SMYD3: variants seen among roughly 807,000 people sequenced by gnomAD.
The protein encoded by SMYD3 is SET and MYND domain containing 3, also known as histone-lysine N-methyltransferase SMYD3.
Under a neutral mutation model 57.7 loss-of-function variants are expected in SMYD3, and 36 were observed. The ratio of observed to expected loss-of-function variants is 0.62; its 90% confidence interval spans 0.48 to 0.82. The LOEUF (loss-of-function observed/expected upper bound fraction) is 0.82. Among genes scored for constraint, SMYD3 ranks in the 40% least tolerant of loss-of-function variants. The pLI is 0.00. For missense variants in SMYD3, 515 were observed against 538.8 expected (o/e 0.96, Z 0.44); for synonymous variants, 211 against 195.0 (o/e 1.08, Z -0.68).
At chr1:246,404,573 G>C (rs748582146) in intron 1 of SMYD3, among the ~76,000 whole-genome samples, 3 of 152,220 alleles carry the variant, frequency 2.0e-5, no homozygotes, top group Non-Finnish European at 4.4e-5. Flanking sequence ...TGAGGAGTTT[G>C]CAAGTTAAAG....
chr1:245,763,678 G>C (rs528574117), intron 11 of SMYD3, among the ~76,000 whole-genome samples: 1 of 152,168 alleles, frequency 6.6e-6, no homozygotes, highest in African/African-American at 2.4e-5. Flanking sequence ...ACTGTGTTCC[G>C]TGGGCAATGG....
At chr1:245,883,373 C>T (rs928328859) in intron 8 of SMYD3, among the ~76,000 whole-genome samples, 4 of 152,182 alleles carry the variant, frequency 2.6e-5, no homozygotes, top group Admixed American at 2.0e-4. Context: ...GTCTCAAAAC[C>T]ACCCAAGGAA....
chr1:246,117,854 A>G (rs890335636), intron 5 of SMYD3, among the ~76,000 whole-genome samples: 2 of 152,184 alleles, frequency 1.3e-5, no homozygotes, highest in African/African-American at 4.8e-5. Flanking sequence ...ACAGTAGAAT[A>G]ACATTATTTC....
At position 246,066,876 on chromosome 1, in the gene SMYD3, A is replaced by C. The variant is rs547742638; in HGVS notation, c.532-136939T>G. ...TCGTTTTATGTGTTGCTGTCTTCCC[A>C]CTGGGAAAAATGTTAAAATATTTAA... On this transcript the variant is annotated intron_variant, in intron 5 of 11. Coordinates refer to ENST00000490107, the MANE Select transcript of SMYD3 (RefSeq NM_001167740.2). Among the ~76,000 whole-genome samples, 262 of 152,340 alleles carry C rather than the reference A, an allele frequency of 1.7e-3. 3 individuals carry two copies. The highest frequency in any genetic ancestry group is 6.0e-3 in the African/African-American group (251 of 41,582).
At chr1:245,915,486 G>T (rs1414028923) in intron 8 of SMYD3, 44 bp downstream of exon 8, 1 of 1,251,848 alleles carries the variant, frequency 8.0e-7, no homozygotes. Flanking sequence ...AGATCATTGA[G>T]ATTTTGCCGT....
intron 5 of SMYD3, among the ~76,000 whole-genome samples, chr1:246,090,058 C>G (rs923294274): frequency 2.0e-5 from 3 of 152,092 alleles, no homozygotes; most frequent in East Asian, 1.9e-4. Flanking sequence ...GTCACCATCA[C>G]AAATTCCCTT....
intron 5 of SMYD3, among the ~76,000 whole-genome samples, chr1:246,231,305 G>T (rs1298903740): frequency 6.6e-6 from 1 of 152,128 alleles, no homozygotes; most frequent in Non-Finnish European, 1.5e-5. Context: ...TAATAAACGG[G>T]TTGTCCAGAA....
Position 245,962,644 on chromosome 1 carries a change from G to A in SMYD3, c.532-32707C>T, listed in dbSNP as rs143904786. Among the ~76,000 whole-genome samples the A allele has an allele frequency of 6.3e-3, 958 of 152,236 alleles. 4 individuals are homozygous for A. Among genetic ancestry groups the A allele is most frequent in the Middle Eastern group, 0.014 (4 of 294 alleles). On this transcript the variant is annotated intron_variant, in intron 5 of 11. Coordinates refer to ENST00000490107, the MANE Select transcript of SMYD3 (RefSeq NM_001167740.2). ...AGAAACAAACCTGCATGTGGGTTGC[G>A]TCGAACAATAAAGAGAAAACAGAGA...
At chr1:245,776,184 T>C (rs1275135405) in intron 10 of SMYD3, among the ~76,000 whole-genome samples, 1 of 152,228 alleles carries the variant, frequency 6.6e-6, no homozygotes, top group Non-Finnish European at 1.5e-5. Flanking sequence ...ATTTATTTAA[T>C]AATTTTAAAA....
chr1:246,277,232 G>A (rs2064351566), intron 5 of SMYD3, among the ~76,000 whole-genome samples: 1 of 151,548 alleles, frequency 6.6e-6, no homozygotes, highest in Admixed American at 6.6e-5. Context: ...AAAAGAAGAT[G>A]TACAAATGAC....
At chr1:245,838,871 C>T (rs914708316) in intron 10 of SMYD3, among the ~76,000 whole-genome samples, 1 of 152,208 alleles carries the variant, frequency 6.6e-6, no homozygotes, top group Non-Finnish European at 1.5e-5. Context: ...GACATACAAT[C>T]CCACCCGTAT....
chr1:246,238,278 G>C (rs186608518), intron 5 of SMYD3, among the ~76,000 whole-genome samples: 3 of 152,056 alleles, frequency 2.0e-5, no homozygotes, highest in Non-Finnish European at 4.4e-5. Flanking sequence ...CAATCTGCCC[G>C]CCTGAGCTTC....
At chr1:245,894,432 G>A (rs1028660038) in intron 8 of SMYD3, among the ~76,000 whole-genome samples, 1 of 152,000 alleles carries the variant, frequency 6.6e-6, no homozygotes, top group African/African-American at 2.4e-5. Context: ...CCCCTTCCAC[G>A]CCGTGGAAGC....
chr1:246,283,866 G>GT lies in SMYD3; in HGVS notation c.531+43334dup, dbSNP rs1489565780. On this transcript the variant is annotated intron_variant, in intron 5 of 11. Transcript: ENST00000490107. ...CTTTCACAGCCCATGACAACTGTGA[G>GT]TTACACACAACCTTCAGGTACACCA... Among the ~76,000 whole-genome samples, 5 of 152,174 alleles carry GT rather than the reference G, an allele frequency of 3.3e-5. No homozygotes were observed. The East Asian group carries it at 7.7e-4, about 24-fold the overall frequency.
At chr1:246,362,625 T>G (rs927256814) in intron 1 of SMYD3, among the ~76,000 whole-genome samples, 15 of 152,122 alleles carry the variant, frequency 9.9e-5, no homozygotes, top group African/African-American at 1.9e-4. Context: ...CACGCCTGAC[T>G]GGTTTTCGTA....
chr1:246,216,286 CAAAAAA>C lies in SMYD3; in HGVS notation c.531+110909_531+110914del, dbSNP rs761129685. Among the ~76,000 whole-genome samples the C allele has an allele frequency of 4.4e-3, 550 of 125,674 alleles. 5 individuals carry two copies. The highest frequency in any genetic ancestry group is 0.03 in the Middle Eastern group (7 of 232). The allele number at this position is 125,674 out of a possible 152,430, so 82.4% of individuals were successfully genotyped here. A position where few individuals can be genotyped will look rare whatever the true frequency, so the allele number is the denominator to read the frequency against. ...TGGGCAGTAGAGTAAGACTCCATTTCAAAAAAAAAAAAAAACTCATAAGCAGACTTC... is the reference window on the plus strand; with the variant it reads ...TGGGCAGTAGAGTAAGACTCCATTTCAAAAAAAAACTCATAAGCAGACTTC... On this transcript the variant is annotated intron_variant, in intron 5 of 11. Transcript: ENST00000490107.
At chr1:246,285,617 TG>T in intron 5 of SMYD3, among the ~76,000 whole-genome samples, 1 of 151,720 alleles carries the variant, frequency 6.6e-6, no homozygotes, top group East Asian at 1.9e-4. Context: ...CAAAAGCAAA[TG>T]CAACAAAAAC....
chr1:246,021,924 G>A (rs927085773), intron 5 of SMYD3, among the ~76,000 whole-genome samples: 3 of 152,132 alleles, frequency 2.0e-5, no homozygotes, highest in Admixed American at 6.6e-5. Flanking sequence ...TGACCTCTTG[G>A]AAGGTTTGAC....
In SMYD3 at chr1:246,448,008, A is replaced by G. The variant is rs117439941; in HGVS notation, c.164+59046T>C. 2.4e-4 allele frequency among the ~76,000 whole-genome samples: 36 copies of G among 152,334 alleles called. No homozygotes were observed. The East Asian group carries it at 5.8e-3, about 24-fold the overall frequency. ...ATCCATTTGAAAATAAGTTGCATAC[A>G]TTTTAACTCATCCCTAAGACCTTTG... On this transcript the variant is annotated intron_variant, in intron 1 of 11. Coordinates refer to ENST00000490107, the MANE Select transcript of SMYD3 (RefSeq NM_001167740.2).
Sources: gnomAD v4.1 joint callset for allele counts (sites outside exome capture counted in the v4.1 genomes callset) on GRCh38, gnomAD v4.1.1 for gene constraint, MANE v1.5 for transcripts, NCBI Gene and HGNC (gene_info 2026-07-23, HGNC 2026-07-21) for gene names.